MFF: variants seen among roughly 807,000 people sequenced by gnomAD.
The protein encoded by MFF is mitochondrial fission factor.
MFF carries 12 observed loss-of-function variants against 36.9 expected under a neutral mutation model. That is an observed-to-expected ratio of 0.33 (90% CI 0.21 to 0.53). The LOEUF is 0.53. Ranked by LOEUF, MFF falls within the 20% of genes least tolerant of loss-of-function variation. The probability of loss-of-function intolerance (pLI) is 0.95; values close to 1 mark genes in which losing one functional copy is unlikely to be tolerated. For synonymous variants in MFF, 99 were observed against 126.2 expected, an observed-to-expected ratio of 0.78 and a Z score of 1.44; for missense variants, 348 against 366.6, an observed-to-expected ratio of 0.95 and a Z score of 0.42.
In MFF at chr2:227,357,377, C is replaced by T. The variant is rs528336623; in HGVS notation, c.*260C>T. 19 of 300,354 alleles carry T rather than the reference C, an allele frequency of 6.3e-5. No homozygotes were observed. Among genetic ancestry groups the T allele is most frequent in the Non-Finnish European group, 1.2e-4 (19 of 162,962 alleles). 18.6% of individuals were successfully genotyped at this position (300,354 alleles called of 1,614,324 possible). On this transcript the variant is annotated 3_prime_UTR_variant, in exon 9 of 9. Transcript: ENST00000304593. ...CCTTTGCATGTTTTGTAAATAGGCT[C>T]CAGTTTTGTTTTTTAAAAGGAATTT...
intron 6 of MFF, 31 bp downstream of exon 6, chr2:227,347,415 T>G: frequency 6.2e-7 from 1 of 1,608,030 alleles, no homozygotes; most frequent in African/African-American, 1.3e-5. Context: ...CTTGACAGCT[T>G]TATTGCATAT....
intron 1 of MFF, among the ~76,000 whole-genome samples, chr2:227,326,911 T>C (rs2074193413): frequency 6.6e-6 from 1 of 152,200 alleles, no homozygotes; most frequent in Non-Finnish European, 1.5e-5. Flanking sequence ...TCCAGTGTTC[T>C]AATACAGAAA....
chr2:227,343,191 G>A (rs950513753), intron 5 of MFF, among the ~76,000 whole-genome samples: 16 of 150,956 alleles, frequency 1.1e-4, no homozygotes, highest in Admixed American at 9.9e-4. Context: ...TAATTTCAGC[G>A]CACTGTCTTT....
intron 4 of MFF, among the ~76,000 whole-genome samples, chr2:227,338,369 CA>C (rs373093427): frequency 1.4e-3 from 166 of 114,832 alleles, no homozygotes; most frequent in Admixed American, 1.7e-3. Flanking sequence ...CACTCTGTCT[CA>C]AAAAAAAAAA....
intron 4 of MFF, among the ~76,000 whole-genome samples, chr2:227,335,834 C>CT (rs1373649629): frequency 6.6e-6 from 1 of 152,204 alleles, no homozygotes; most frequent in African/African-American, 2.4e-5. Context: ...TTGACAAACA[C>CT]TTTCAATATG....
intron 4 of MFF, among the ~76,000 whole-genome samples, chr2:227,338,012 C>G (rs540685170): frequency 4.7e-4 from 72 of 151,794 alleles, no homozygotes; most frequent in African/African-American, 1.7e-3. Flanking sequence ...CCACTGTACT[C>G]CATCCTGGGC....
chr2:227,329,418 A>C (rs1047765213), intron 2 of MFF: 1 of 285,796 alleles, frequency 3.5e-6, no homozygotes, highest in Non-Finnish European at 6.6e-6. Flanking sequence ...TGTGCTTACA[A>C]CTGTCTTTAT....
At chr2:227,348,547 C>T (rs2075827512) in intron 6 of MFF, among the ~76,000 whole-genome samples, 1 of 151,960 alleles carries the variant, frequency 6.6e-6, no homozygotes, top group Non-Finnish European at 1.5e-5. Flanking sequence ...TTTGTTTTTC[C>T]CCAAGGGTTT....
intron 1 of MFF, among the ~76,000 whole-genome samples, chr2:227,328,375 G>A (rs1408669298): frequency 1.4e-5 from 2 of 144,314 alleles, no homozygotes; most frequent in East Asian, 2.0e-4. Context: ...ATATATATAC[G>A]TAAGTATTAG....
intron 2 of MFF, chr2:227,330,232 T>C (rs746694050): frequency 5.6e-6 from 1 of 178,094 alleles, no homozygotes; most frequent in Non-Finnish European, 1.2e-5. Flanking sequence ...AATTTTATAT[T>C]TTTAAAGTCC....
In MFF at chr2:227,351,081, G is replaced by A. The variant is rs972421062; in HGVS notation, c.600-1433G>A. ...CTGTGTGCATTTTAAAAAGCTTTAG[G>A]AAGCACACAGTGATGGCTTCATCTA... is the stretch of plus-strand genomic sequence containing the variant. On this transcript the variant is annotated intron_variant, in intron 6 of 8. Transcript: ENST00000304593. Among the ~76,000 whole-genome samples the A allele has an allele frequency of 3.3e-5, 5 of 152,116 alleles. No homozygotes were observed. The East Asian group carries it at 9.6e-4, about 29-fold the overall frequency.
intron 1 of MFF, among the ~76,000 whole-genome samples, chr2:227,328,320 AC>A (rs71036177): frequency 0.59 from 54,791 of 92,668 alleles, 14,706 homozygotes; most frequent in Middle Eastern, 0.71. Flanking sequence ...AAAAAAAAAA[AC>A]CAATTCATTT....
chr2:227,327,891 G>A (rs187383923), intron 1 of MFF, among the ~76,000 whole-genome samples: 140 of 152,230 alleles, frequency 9.2e-4, no homozygotes, highest in Admixed American at 6.5e-3. Context: ...TGAGATACAC[G>A]CAAGTATTAG....
At chr2:227,337,877 T>G (rs1339986494) in intron 4 of MFF, among the ~76,000 whole-genome samples, 1 of 151,702 alleles carries the variant, frequency 6.6e-6, no homozygotes, top group East Asian at 1.9e-4. Flanking sequence ...TGAAACCCCA[T>G]CTCTACCAAA....
intron 5 of MFF, among the ~76,000 whole-genome samples, chr2:227,345,898 A>G (rs1181276213): frequency 6.6e-6 from 1 of 152,180 alleles, no homozygotes; most frequent in Admixed American, 6.5e-5. Flanking sequence ...ATAGTGAATC[A>G]GGCTTGATAG....
At chr2:227,356,333 C>G (rs181302563) in intron 8 of MFF, among the ~76,000 whole-genome samples, 6 of 152,166 alleles carry the variant, frequency 3.9e-5, no homozygotes, top group Admixed American at 3.9e-4. Context: ...AGGTGAAGAT[C>G]AGTAGGAGAA....
chr2:227,336,889 A>C (rs188660527), intron 4 of MFF, among the ~76,000 whole-genome samples: 1 of 152,236 alleles, frequency 6.6e-6, no homozygotes, highest in Non-Finnish European at 1.5e-5. Context: ...GCTATATGAC[A>C]TATCCTAAAA....
At chr2:227,336,167 G>A (rs1460619710) in intron 4 of MFF, among the ~76,000 whole-genome samples, 2 of 152,158 alleles carry the variant, frequency 1.3e-5, no homozygotes, top group Non-Finnish European at 2.9e-5. Context: ...AAGAAGATTT[G>A]ACACAACCTT....
In MFF at chr2:227,357,028, A is replaced by G. The variant is rs2106480313; in HGVS notation, c.787A>G (p.Asn263Asp). The change falls in exon 9 of 9, where the codon AAC (asparagine) becomes GAC (aspartate). Residue 263 changes from asparagine to aspartate, a missense_variant. Physicochemically the swap from Asn to Asp is conservative, Grantham distance 23 (BLOSUM62 1). Coordinates refer to ENST00000304593, the MANE Select transcript of MFF (RefSeq NM_001277062.2). ...ACGTCTACAACTTCTGGAAGAGGAG[A>G]ACAAAGAACGTGCTAAAAGAGAAAT... ...NRRLQLLEEE[N>D]KERAKREMVM... The G allele has an allele frequency of 6.2e-7, 1 of 1,613,402 alleles. No homozygotes were observed. Among genetic ancestry groups the G allele is most frequent in the East Asian group, 2.2e-5 (1 of 44,870 alleles).
Sources: gnomAD v4.1 joint callset for allele counts (sites outside exome capture counted in the v4.1 genomes callset) on GRCh38, gnomAD v4.1.1 for gene constraint, MANE v1.5 for transcripts, NCBI Gene and HGNC (gene_info 2026-07-23, HGNC 2026-07-21) for gene names.